The following CDHR4 variants were observed in gnomAD, a reference collection of about 807,000 sequenced individuals.
The protein encoded by CDHR4 is cadherin related family member 4.
A neutral mutation model predicts 88.4 loss-of-function variants in CDHR4; 89 were observed. The ratio of observed to expected loss-of-function variants is 1.01; its 90% CI spans 0.85 to 1.20. The LOEUF is 1.20. CDHR4 is among the 50% of genes most tolerant of loss of function. CDHR4 has a pLI of 0.00. For missense variants in CDHR4, 914 were observed against 1,007.2 expected (o/e 0.91, Z 1.25); for synonymous variants, 368 against 399.2 (o/e 0.92, Z 0.93).
intron 12 of CDHR4, 109 bp from the exon 13 acceptor site, chr3:49,793,420 A>C: frequency 6.9e-7 from 1 of 1,448,116 alleles, no homozygotes; most frequent in Non-Finnish European, 9.3e-7. Context: ...CAAGTGATGA[A>C]GTCATCACAC....
upstream of CDHR4, among the ~76,000 whole-genome samples, chr3:49,801,350 T>G (rs144710108): frequency 6.6e-6 from 1 of 152,222 alleles, no homozygotes; most frequent in South Asian, 2.1e-4. Flanking sequence ...CTCCACCTCA[T>G]GGAATGTCCC....
chr3:49,794,079 C>T (rs1575345040), intron 10 of CDHR4, 73 bp from the exon 11 acceptor site: 9 of 1,439,546 alleles, frequency 6.3e-6, no homozygotes, highest in Non-Finnish European at 8.5e-6. Flanking sequence ...AGGAGGGAGA[C>T]AGGGCCCTGC....
intron 1 of CDHR4, 119 bp from the exon 2 acceptor site, chr3:49,799,556 C>T (rs889312229): frequency 1.7e-6 from 2 of 1,194,670 alleles, no homozygotes; most frequent in South Asian, 1.5e-5. Flanking sequence ...GCAGCTAAGG[C>T]CTTTCCTTGT....
In CDHR4 at chr3:49,792,510, A is replaced by C. The variant is rs756395186; in HGVS notation, c.2096T>G (p.Leu699Arg). The C allele has an allele frequency of 1.7e-5, 27 of 1,551,588 alleles. 1 individual carries two copies. The South Asian group carries it at 3.2e-4, about 18-fold the overall frequency. Residue 699 changes from leucine (L) to arginine (R), a missense_variant, in exon 15 of 19, where the codon CTC (leucine) becomes CGC (arginine). Leu to Arg is a moderately radical substitution (Grantham distance 102). Transcript: ENST00000412678. The stretch of plus-strand genomic sequence containing the variant: ...AAGAAGCCAGCCTAGGGCCAAGAGG[A>C]GAAGAGCACCAGTTGCTGTCAACAC... ...VVVLTATGAL[L>R]LLALGWLLGR...
Position 49,795,944 on chromosome 3 carries a change from G to A in CDHR4, c.709C>T (p.Leu237Phe), listed in dbSNP as rs1426441769. The change falls in exon 6 of 19, where the codon CTC becomes TTC. Residue 237 changes from leucine (L) to phenylalanine (F), a missense_variant and splice_region_variant. Physicochemically the swap from Leu to Phe is conservative, Grantham distance 22. Transcript: ENST00000412678. The surrounding 1 kb of genome is among the most constrained non-coding windows in gnomAD (Gnocchi z 5.4). ...LPVPSSQVSF[L>F]EQAQNITIPE... ...TGTTCCAGGGTAGGGGAGCCTTACA[G>A]GAAGGAGACCTGGCTGGAGGGAACA... 1.3e-6 allele frequency: 2 copies of A among 1,536,790 alleles called. No homozygotes were observed. Among genetic ancestry groups the A allele is most frequent in the East Asian group, 2.4e-5 (1 of 40,900 alleles).
chr3:49,793,418 G>C (rs2108278334), intron 12 of CDHR4, 107 bp from the exon 13 acceptor site: 6 of 1,461,810 alleles, frequency 4.1e-6, no homozygotes, highest in Non-Finnish European at 5.5e-6. Flanking sequence ...ATCAAGTGAT[G>C]AAGTCATCAC....
At position 49,793,547 on chromosome 3, in the gene CDHR4, CAAGT is replaced by C. The variant is rs974459269; in HGVS notation, c.1623+32_1623+35del. 309 of 1,548,938 alleles carry C rather than the reference CAAGT, an allele frequency of 2.0e-4. 2 individuals carry two copies. The Admixed American group carries it at 5.8e-3, about 29-fold the overall frequency. ...AGGGCAATCTGAACTCCTGTCTTTC[CAAGT>C]ATTTATTTCCAAAGCCTTAGGACGC... On this transcript the variant is annotated intron_variant, in intron 12 of 18. Transcript: ENST00000412678.
At chr3:49,799,652 AT>A in intron 1 of CDHR4, 111 bp downstream of exon 1, 2 of 1,250,394 alleles carry the variant, frequency 1.6e-6, no homozygotes, top group South Asian at 2.7e-5. Flanking sequence ...AGGGGTTCAG[AT>A]TCTTACACTT....
At chr3:49,802,577 G>T (rs1022107642), upstream of CDHR4, among the ~76,000 whole-genome samples, 6 of 152,220 alleles carry the variant, frequency 3.9e-5, no homozygotes, top group African/African-American at 1.4e-4. Flanking sequence ...TCCTGTTGCT[G>T]GTATGTCCAG....
At chr3:49,793,377 A>C in intron 12 of CDHR4, 66 bp from the exon 13 acceptor site, 1 of 1,518,110 alleles carries the variant, frequency 6.6e-7, no homozygotes, top group Non-Finnish European at 8.9e-7. Context: ...CCAGCCCCTC[A>C]ACTTCTTCTC....
chr3:49,795,216 G>A lies in CDHR4; in HGVS notation c.1011C>T (p.Arg337=). ...NVQLVNLWPP[R]CLPALLVSQI... is the part of the protein sequence containing the mutation. ...CTCACACCAGAAGCGCTGGGAGGCA[G>A]CGTGGAGGCCAGAGGTTGACCAGCT... The change falls in exon 8 of 19, where the codon CGC becomes CGT. Residue 337 remains arginine (R), a synonymous_variant. Transcript: ENST00000412678. This position sits in a 1 kb window ranked among gnomAD's most constrained non-coding sequence, Gnocchi z 5.4. The A allele has an allele frequency of 6.4e-7, 1 of 1,551,696 alleles. No homozygotes were observed.
chr3:49,795,246 A>T lies in CDHR4; in HGVS notation c.981T>A (p.Asn327Lys). 1 of 1,551,644 alleles carries T rather than the reference A, an allele frequency of 6.4e-7. No homozygotes were observed. The highest frequency in any genetic ancestry group is 2.4e-5 in the East Asian group (1 of 40,920). Residue 327 changes from asparagine (N) to lysine (K), a missense_variant, in exon 8 of 19, where the codon AAT (asparagine) becomes AAA (lysine). Asn to Lys is a moderately conservative substitution (Grantham distance 94). Transcript: ENST00000412678. The surrounding 1 kb of genome is among the most constrained non-coding windows in gnomAD (Gnocchi z 5.4). ...GAGGCCAGAGGTTGACCAGCTGCAC[A>T]TTCATGGTGAGATTGAGCTTGGCAC... Reference protein sequence around the residue: ...WASAKLNLTMNVQLVNLWPPR... With the variant: ...WASAKLNLTMKVQLVNLWPPR...
intron 9 of CDHR4, 35 bp downstream of exon 9, chr3:49,794,912 C>A (rs1405555476): frequency 1.3e-6 from 2 of 1,550,746 alleles, no homozygotes; most frequent in Non-Finnish European, 1.7e-6. Flanking sequence ...ACTGCAAGCA[C>A]CCTGCAAGTG....
intron 5 of CDHR4, among the ~76,000 whole-genome samples, chr3:49,796,504 T>C (rs1045068302): frequency 6.6e-6 from 1 of 152,038 alleles, no homozygotes; most frequent in Admixed American, 6.6e-5. Context: ...GCTCAGCTAA[T>C]TTTTGTATTT....
chr3:49,792,741 T>G, intron 14 of CDHR4, 113 bp downstream of exon 14: 6 of 1,459,374 alleles, frequency 4.1e-6, no homozygotes, highest in Non-Finnish European at 5.5e-6. Context: ...CTCTCCGCAC[T>G]CTGCGCTTCC....
chr3:49,799,897 C>A, upstream of CDHR4: 1 of 1,462,890 alleles, frequency 6.8e-7, no homozygotes, highest in South Asian at 1.2e-5. Context: ...GTCAGTTGCT[C>A]AAACATAGCT....
At chr3:49,799,975 C>A (rs1230113921), upstream of CDHR4, 3 of 637,962 alleles carry the variant, frequency 4.7e-6, no homozygotes, top group Admixed American at 5.7e-5. Context: ...AGTTCTAGAC[C>A]TCTGGCAGGC....
chr3:49,795,607 C>T lies in CDHR4; in HGVS notation c.847+21G>A, dbSNP rs765892963. On this transcript the variant is annotated intron_variant, in intron 7 of 18. Coordinates refer to ENST00000412678, the MANE Select transcript of CDHR4 (RefSeq NM_001007540.4). This position sits in a 1 kb window ranked among gnomAD's most constrained non-coding sequence, Gnocchi z 5.4. ...CACAGAGGCATCCCAGTACCTGCCC[C>T]CACCCCCCAACACCTCTCACCACGA... 5.5e-5 allele frequency: 86 copies of T among 1,551,338 alleles called. No homozygotes were observed. The highest frequency in any genetic ancestry group is 7.4e-5 in the Non-Finnish European group (85 of 1,146,912).
intron 15 of CDHR4, 97 bp from the exon 16 acceptor site, chr3:49,792,056 C>T (rs186700896): frequency 2.4e-6 from 3 of 1,249,210 alleles, no homozygotes; most frequent in South Asian, 1.3e-5. Flanking sequence ...TTGGGAACAA[C>T]CAATGTCTGT....
Sources: allele counts gnomAD v4.1 joint callset (sites outside exome capture counted in the v4.1 genomes callset), GRCh38; gene constraint gnomAD v4.1.1; non-coding constraint Gnocchi (gnomAD v3.1); transcripts MANE v1.5; gene names NCBI Gene and HGNC (gene_info 2026-07-23, HGNC 2026-07-21).